The following KCNT1 variants were observed in gnomAD, a reference collection of about 807,000 sequenced individuals.
The protein encoded by KCNT1 is potassium sodium-activated channel subfamily T member 1, also known as potassium channel subfamily T member 1.
Under a neutral mutation model 147.8 loss-of-function variants are expected in KCNT1, and 78 were observed. The ratio of observed to expected loss-of-function variants is 0.53; its 90% confidence interval spans 0.44 to 0.64. The LOEUF is 0.64. KCNT1 is among the 30% of genes least tolerant of loss of function. The pLI is 0.00. For missense variants in KCNT1, 1,419 were observed against 1,750.3 expected, an observed-to-expected ratio of 0.81 and a Z score of 3.38; for synonymous variants, 867 against 748.8, an observed-to-expected ratio of 1.16 and a Z score of -2.58.
At chr9:135,726,751 CCCTCTCTCCCTCTCTCTCTCTT>C (rs374382038) in intron 2 of KCNT1, among the ~76,000 whole-genome samples, 17,469 of 142,702 alleles carry the variant, frequency 0.12, 1,271 homozygotes, top group South Asian at 0.15. Context: ...CTCTCTCCCT[CCCTCTCTCCCTCTCTCTCTCTT>C]CCTCTCTCTC....
intron 1 of KCNT1, among the ~76,000 whole-genome samples, chr9:135,712,582 T>A (rs1346007373): frequency 6.6e-6 from 1 of 152,034 alleles, no homozygotes; most frequent in Non-Finnish European, 1.5e-5. Flanking sequence ...AGCTGGCCGA[T>A]GTAGGCCTTC....
chr9:135,785,259 G>C (rs777235808), intron 27 of KCNT1, 51 bp from the exon 28 acceptor site: 4 of 1,608,664 alleles, frequency 2.5e-6, no homozygotes, highest in Non-Finnish European at 3.4e-6. Context: ...AGGCGGCGTG[G>C]GGGGCAGGGG....
chr9:135,788,835 G>A (rs993479481), intron 29 of KCNT1, among the ~76,000 whole-genome samples: 7 of 152,190 alleles, frequency 4.6e-5, no homozygotes, highest in Non-Finnish European at 8.8e-5. Flanking sequence ...AGCAGAGTCC[G>A]GGCCAGGGTG....
rs1168444329 is a variant in KCNT1, at chr9:135,768,247, G to T, written c.1338-363G>T. Among the ~76,000 whole-genome samples, 9 of 39,526 alleles carry T rather than the reference G, an allele frequency of 2.3e-4. 1 individual carries two copies. Among genetic ancestry groups the T allele is most frequent in the African/African-American group, 6.0e-4 (9 of 14,894 alleles). 25.9% of individuals were successfully genotyped at this position (39,526 alleles called of 152,430 possible). A position where few individuals can be genotyped will look rare whatever the true frequency, so the allele number is the denominator to read the frequency against. ...AGAGGCCCAGGATGCCTGCGGGGGG[G>T]GGGGGGGGGGCACTGGGATACCGGT... On this transcript the variant is annotated intron_variant, in intron 13 of 30. Transcript: ENST00000371757.
chr9:135,743,344 GC>G (rs906397560), intron 2 of KCNT1, among the ~76,000 whole-genome samples: 38 of 152,278 alleles, frequency 2.5e-4, no homozygotes, highest in African/African-American at 8.4e-4. Flanking sequence ...CTCCTGGGAA[GC>G]CCCCCGCTGC....
In KCNT1 at chr9:135,751,037, G is replaced by T; in HGVS notation, c.430G>T (p.Gly144Ter). 6.2e-7 allele frequency: 1 copy of T among 1,610,574 alleles called. No individual in the cohort carries two copies. ...GCTCGATGACCCGGCCCTGGGCATC[G>T]GATGGTGGGCCACGTGCGCGGCCGG... ...VLLDDPALGI[G>*]CWGCPKQNYS... The change falls in exon 4 of 31, where the codon GGA (glycine) becomes TGA (stop). Residue 144 changes from glycine (G) to a stop codon, truncating the protein, a stop_gained. Transcript: ENST00000371757. LOFTEE classifies it high-confidence loss of function.
At chr9:135,705,265 G>C (rs1338654059) in intron 1 of KCNT1, among the ~76,000 whole-genome samples, 1 of 152,194 alleles carries the variant, frequency 6.6e-6, no homozygotes, top group African/African-American at 2.4e-5. Context: ...CTTTGACCCA[G>C]GTGCCATCGG....
intron 11 of KCNT1, among the ~76,000 whole-genome samples, chr9:135,763,024 C>T (rs1832016194): frequency 6.6e-6 from 1 of 152,252 alleles, no homozygotes. Flanking sequence ...CCGTGTGGGG[C>T]AGGCAGAGCA....
intron 2 of KCNT1, among the ~76,000 whole-genome samples, chr9:135,732,026 A>AGG (rs751933481): frequency 3.8e-5 from 5 of 131,738 alleles, no homozygotes; most frequent in East Asian, 2.3e-4. Context: ...AGAGAGAGAG[A>AGG]GAGAGAGAGA....
rs373027556 is a variant in KCNT1 at position 135,771,143 on chromosome 9, G to T, written c.2008+48G>T. On this transcript the variant is annotated intron_variant, in intron 18 of 30. Coordinates refer to ENST00000371757, the MANE Select transcript of KCNT1 (RefSeq NM_020822.3). ...GACTCCCTGGGCCTGCTCCTTTGGCGGGAGACCAGGCGGGACACCGGCAGG... is the reference window on the plus strand; with the variant it reads ...GACTCCCTGGGCCTGCTCCTTTGGCTGGAGACCAGGCGGGACACCGGCAGG... 1.9e-5 allele frequency: 29 copies of T among 1,533,418 alleles called. No homozygotes were observed. The Admixed American group carries it at 3.6e-4, about 19-fold the overall frequency. 95.0% of individuals were successfully genotyped at this position (1,533,418 alleles called of 1,614,324 possible). A position where few individuals can be genotyped will look rare whatever the true frequency, so the allele number is the denominator to read the frequency against.
intron 2 of KCNT1, among the ~76,000 whole-genome samples, chr9:135,721,225 C>T (rs959805594): frequency 2.0e-5 from 3 of 152,274 alleles, no homozygotes; most frequent in East Asian, 3.9e-4. Context: ...GCTCCAGCAC[C>T]GGGTCCCCTG....
chr9:135,749,813 G>T (rs965064645), intron 2 of KCNT1, among the ~76,000 whole-genome samples: 2 of 152,232 alleles, frequency 1.3e-5, no homozygotes, highest in African/African-American at 4.8e-5. Flanking sequence ...CGCACCCTGA[G>T]CCCCAACAGG....
At chr9:135,756,434 C>A (rs778085756) in intron 6 of KCNT1, among the ~76,000 whole-genome samples, 41 of 152,144 alleles carry the variant, frequency 2.7e-4, no homozygotes, top group Non-Finnish European at 5.6e-4. Flanking sequence ...CCATCTGAGA[C>A]CAGAGAGGGT....
Position 135,784,131 on chromosome 9 carries a change from C to T in KCNT1, c.2943+6C>T, listed in dbSNP as rs28612938. ...TGGACACACTGCTCTACCAGGTCAG[C>T]GGGGAAGCGGCAGCAGGAGGGTGGC... On this transcript the variant is annotated splice_donor_region_variant and intron_variant, in intron 25 of 30. Transcript: ENST00000371757. 6,571 of 1,601,074 alleles carry T rather than the reference C, an allele frequency of 4.1e-3. 94 individuals are homozygous for T. The African/African-American group carries it at 0.042, about 10-fold the overall frequency.
chr9:135,741,949 G>A (rs1217092208), intron 2 of KCNT1, among the ~76,000 whole-genome samples: 3 of 141,970 alleles, frequency 2.1e-5, no homozygotes, highest in Admixed American at 6.9e-5. Context: ...CGACCAGGCC[G>A]GCCCTCTGGA....
At chr9:135,727,435 TCC>T (rs1564324676) in intron 2 of KCNT1, among the ~76,000 whole-genome samples, 2 of 110,672 alleles carry the variant, frequency 1.8e-5, no homozygotes, top group Admixed American at 9.7e-5. Flanking sequence ...CTCCCCCCTC[TCC>T]CTCTCTCTCT....
intron 1 of KCNT1, among the ~76,000 whole-genome samples, chr9:135,702,710 C>T (rs1319473491): frequency 6.6e-6 from 1 of 152,058 alleles, no homozygotes; most frequent in Non-Finnish European, 1.5e-5. Context: ...CTTCCATCTC[C>T]CCCAGCCCCT....
At chr9:135,731,991 T>TATATATATATATAGAGAGAGAGAG (rs1276318460) in intron 2 of KCNT1, among the ~76,000 whole-genome samples, 2 of 21,758 alleles carry the variant, frequency 9.2e-5, no homozygotes, top group Non-Finnish European at 1.7e-4. Context: ...TATATATATA[T>TATATATATATATAGAGAGAGAGAG]AGAGAGAGAG....
intron 2 of KCNT1, among the ~76,000 whole-genome samples, chr9:135,716,828 G>A (rs1048756437): frequency 2.0e-5 from 3 of 152,368 alleles, no homozygotes; most frequent in South Asian, 4.1e-4. Flanking sequence ...CTCTCTGGTT[G>A]GAAATGAAGT....
Sources: gnomAD v4.1 joint callset for allele counts (sites outside exome capture counted in the v4.1 genomes callset) on GRCh38, gnomAD v4.1.1 for gene constraint, MANE v1.5 for transcripts, NCBI Gene and HGNC (gene_info 2026-07-23, HGNC 2026-07-21) for gene names.